The following CLIC5 variants were observed in gnomAD, a reference collection of about 807,000 sequenced individuals.
CLIC5 encodes the protein CLIC family member 5.
In CLIC5, 20 loss-of-function variants were observed where a neutral mutation model predicts 24.7. That is an observed-to-expected ratio of 0.81 (90% CI 0.57 to 1.18). The LOEUF (loss-of-function observed/expected upper bound fraction) is 1.18, where lower values mean the gene tolerates loss of function less well. CLIC5 is among the 50% of genes most tolerant of loss of function. CLIC5 has a pLI of 0.00. For missense variants in CLIC5, 341 were observed against 326.1 expected, an observed-to-expected ratio of 1.05 and a Z score of -0.35; for synonymous variants, 159 against 135.6, an observed-to-expected ratio of 1.17 and a Z score of -1.20.
rs999896490 is a variant in CLIC5 at position 45,955,199 on chromosome 6, G to A, written c.109C>T (p.Arg37Cys). ...TTCAGCCAGAGGATCATGAAGAGGC[G>A]CTGAGAGAAAGGACAGTTGCCGATG... The part of the protein sequence containing the change: ...ESIGNCPFSQ[R>C]LFMILWLKGV... The change falls in exon 2 of 6, where the codon CGC becomes TGC. Residue 37 changes from arginine (R) to cysteine (C), a missense_variant. Physicochemically the swap from Arg to Cys is radical, Grantham distance 180. Transcript: ENST00000339561. The A allele has an allele frequency of 5.0e-6, 8 of 1,614,018 alleles. No homozygotes were observed. The highest frequency in any genetic ancestry group is 1.1e-5 in the South Asian group (1 of 91,074).
At chr6:45,920,772 G>C (rs2127326214) in intron 4 of CLIC5, 1 of 399,490 alleles carries the variant, frequency 2.5e-6, no homozygotes, top group South Asian at 1.0e-4. Context: ...AGGAGCCCCA[G>C]CAGGGCCCAG....
At chr6:45,906,565 T>G (rs1305824034) in intron 5 of CLIC5, among the ~76,000 whole-genome samples, 1 of 68,882 alleles carries the variant, frequency 1.5e-5, no homozygotes, top group Non-Finnish European at 3.4e-5. Flanking sequence ...GTACATTGAC[T>G]TTTTTTTTTT....
intron 1 of CLIC5, among the ~76,000 whole-genome samples, chr6:45,978,028 G>A (rs1001869374): frequency 3.3e-5 from 5 of 152,152 alleles, no homozygotes; most frequent in African/African-American, 1.2e-4. Context: ...TGGGCTTTGG[G>A]TCTGACTAGG....
upstream of CLIC5, among the ~76,000 whole-genome samples, chr6:46,083,073 G>C (rs753318609): frequency 6.6e-5 from 10 of 152,186 alleles, no homozygotes; most frequent in Non-Finnish European, 1.3e-4. Context: ...CGTTTCACGA[G>C]AACAAGGCCC....
At position 46,052,822 on chromosome 6, in the gene CLIC5, G is replaced by A. The variant is rs145806624; in HGVS notation, c.540+26881C>T. On this transcript the variant is annotated intron_variant, in intron 1 of 5. Transcript: ENST00000185206. ...GGGGAGAGCTTGTGCTTCCAGTCTC[G>A]GTGTGGAGGTGCCAGGGTAAAGACT... 3.3e-3 allele frequency among the ~76,000 whole-genome samples: 500 copies of A among 152,084 alleles called. 2 individuals carry two copies. Among genetic ancestry groups the A allele is most frequent in the African/African-American group, 0.011 (453 of 41,476 alleles).
intron 1 of CLIC5, among the ~76,000 whole-genome samples, chr6:46,057,702 G>A (rs1357927365): frequency 2.0e-5 from 3 of 152,100 alleles, no homozygotes; most frequent in Admixed American, 2.0e-4. Context: ...GTCTTTTTGG[G>A]CTGACTTGGC....
intron 1 of CLIC5, among the ~76,000 whole-genome samples, chr6:46,001,429 C>T (rs1365212312): frequency 6.6e-6 from 1 of 152,186 alleles, no homozygotes; most frequent in Non-Finnish European, 1.5e-5. Flanking sequence ...AACTTCTTCC[C>T]TGGCTGTGCT....
intron 1 of CLIC5, among the ~76,000 whole-genome samples, chr6:45,984,971 A>T (rs1194142578): frequency 1.3e-5 from 2 of 152,188 alleles, no homozygotes; most frequent in African/African-American, 4.8e-5. Flanking sequence ...AAGACACAGA[A>T]CATTTGGCAC....
the CLIC5 span, among the ~76,000 whole-genome samples, chr6:46,120,579 G>A: frequency 1.4e-4 from 21 of 152,318 alleles, no homozygotes; most frequent in South Asian, 4.1e-4. Flanking sequence ...AAAGCTGGAC[G>A]GAGAATAACT....
chr6:45,890,666 C>A (rs1022511148), intron 6 of CLIC5, among the ~76,000 whole-genome samples: 1 of 152,032 alleles, frequency 6.6e-6, no homozygotes, highest in African/African-American at 2.4e-5. Flanking sequence ...ACCTAAGTGA[C>A]CCGAATCGAC....
intron 4 of CLIC5, among the ~76,000 whole-genome samples, chr6:45,938,637 T>A (rs1175696494): frequency 6.6e-6 from 1 of 151,824 alleles, no homozygotes; most frequent in Non-Finnish European, 1.5e-5. Context: ...ACAATGAAAA[T>A]TGGAGAGTAC....
intron 5 of CLIC5, among the ~76,000 whole-genome samples, chr6:45,914,025 G>C (rs1476991503): frequency 6.6e-6 from 1 of 152,062 alleles, no homozygotes; most frequent in East Asian, 1.9e-4. Flanking sequence ...AGCAATATAT[G>C]CCTATTTTAT....
At chr6:45,952,766 C>T (rs868608674) in intron 2 of CLIC5, among the ~76,000 whole-genome samples, 3 of 152,230 alleles carry the variant, frequency 2.0e-5, no homozygotes, top group African/African-American at 7.2e-5. Flanking sequence ...ATCTGAAGCA[C>T]GCGGGCAGGG....
At chr6:45,962,459 A>G (rs900492475) in intron 1 of CLIC5, among the ~76,000 whole-genome samples, 14 of 145,208 alleles carry the variant, frequency 9.6e-5, no homozygotes, top group African/African-American at 1.8e-4. Context: ...CTCAAAGTTC[A>G]CCAATTTAAA....
chr6:45,908,399 G>T (rs552702355), intron 5 of CLIC5, among the ~76,000 whole-genome samples: 2 of 152,088 alleles, frequency 1.3e-5, no homozygotes, highest in Non-Finnish European at 2.9e-5. Flanking sequence ...ACTTTTTGAG[G>T]TAGGCATTTC....
intron 1 of CLIC5, among the ~76,000 whole-genome samples, chr6:46,059,729 C>G (rs1388631550): frequency 6.6e-6 from 1 of 152,220 alleles, no homozygotes; most frequent in Non-Finnish European, 1.5e-5. Flanking sequence ...CAAGTAGCCA[C>G]TGAGACTAAA....
chr6:46,075,117 T>C (rs1253777047), intron 1 of CLIC5, among the ~76,000 whole-genome samples: 1 of 152,246 alleles, frequency 6.6e-6, no homozygotes, highest in African/African-American at 2.4e-5. Flanking sequence ...AAGCAACTTA[T>C]AAGCATTATC....
rs79532000 is a variant in CLIC5, at chr6:46,054,680, G to A, written c.540+25023C>T. On this transcript the variant is annotated intron_variant, in intron 1 of 5. Coordinates refer to the CLIC5 transcript ENST00000185206. Reference sequence around the variant, plus strand: ...TTAAGGCTGAATGAGGCCATAGGGCGGGGGCCTGATCCAATAGGTTTACTA... The same window carrying A: ...TTAAGGCTGAATGAGGCCATAGGGCAGGGGCCTGATCCAATAGGTTTACTA... Among the ~76,000 whole-genome samples the A allele has an allele frequency of 9.2e-3, 1,403 of 152,264 alleles. 24 individuals are homozygous for A. The highest frequency in any genetic ancestry group is 0.032 in the African/African-American group (1,337 of 41,554).
the CLIC5 span, among the ~76,000 whole-genome samples, chr6:46,108,180 A>C: frequency 2.6e-5 from 4 of 152,106 alleles, no homozygotes; most frequent in Admixed American, 6.6e-5. Context: ...ATCTGCTTAT[A>C]AGGTTTTATT....
Sources: allele counts gnomAD v4.1 joint callset (sites outside exome capture counted in the v4.1 genomes callset), GRCh38; gene constraint gnomAD v4.1.1; transcripts MANE v1.5; gene names NCBI Gene and HGNC (gene_info 2026-07-23, HGNC 2026-07-21).